SLC41A2: variants seen among roughly 807,000 people sequenced by gnomAD.
SLC41A2 encodes the protein SLC41A1-like 1.
SLC41A2 carries 32 observed loss-of-function variants against 58.3 expected under a neutral mutation model. That is an observed-to-expected ratio of 0.55 (90% confidence interval 0.41 to 0.74). The LOEUF is 0.74. Among genes scored for constraint, SLC41A2 ranks in the 30% least tolerant of loss-of-function variants. The pLI is 0.00. For missense variants in SLC41A2, 514 were observed against 680.6 expected, an observed-to-expected ratio of 0.76 and a Z score of 2.72; for synonymous variants, 190 against 235.0, an observed-to-expected ratio of 0.81 and a Z score of 1.75.
intron 10 of SLC41A2, among the ~76,000 whole-genome samples, chr12:104,831,371 C>A (rs1458469422): frequency 6.6e-6 from 1 of 152,126 alleles, no homozygotes; most frequent in Non-Finnish European, 1.5e-5. Context: ...GCCACCATGA[C>A]CTGCCAAACG....
intron 10 of SLC41A2, among the ~76,000 whole-genome samples, chr12:104,828,809 C>A (rs543048484): frequency 6.6e-6 from 1 of 151,604 alleles, no homozygotes; most frequent in South Asian, 2.1e-4. Flanking sequence ...CCATAATATA[C>A]AAAGAACTCT....
At chr12:104,866,409 C>T (rs1565854302) in intron 7 of SLC41A2, 23 bp downstream of exon 7, 1 of 1,578,576 alleles carries the variant, frequency 6.3e-7, no homozygotes, top group Admixed American at 1.8e-5. Flanking sequence ...CACACACACA[C>T]ACACACATAT....
At chr12:104,910,536 T>C (rs1477854982) in intron 2 of SLC41A2, among the ~76,000 whole-genome samples, 1 of 152,154 alleles carries the variant, frequency 6.6e-6, no homozygotes, top group African/African-American at 2.4e-5. Context: ...ACCAATGGAA[T>C]AGACCCCCTT....
At position 104,909,678 on chromosome 12, in the gene SLC41A2, A is replaced by T. The variant is rs1321082132; in HGVS notation, c.640T>A (p.Leu214Met). 6.2e-7 allele frequency: 1 copy of T among 1,610,496 alleles called. No homozygotes were observed. ...LGLKGNLEMT[L>M]ASRLSTAVNI... ...ACTGCAGTGGATAATCTGGATGCCA[A>T]TGTCATTTCCAAGTTCCCTTTGAGA... Residue 214 changes from leucine to methionine, a missense_variant, in exon 3 of 11, where the codon TTG (leucine) becomes ATG (methionine). By Grantham distance (15) the Leu-to-Met change is conservative. This residue lies in a region of SLC41A2 where 336 missense variants were observed against 430.0 expected (regional missense o/e 0.78). Transcript: ENST00000258538.
chr12:104,955,806 C>T (rs1286227041), intron 1 of SLC41A2, among the ~76,000 whole-genome samples: 4 of 150,570 alleles, frequency 2.7e-5, no homozygotes, highest in Admixed American at 6.6e-5. Flanking sequence ...TGTGTGCGCT[C>T]GGAAATTAAC....
chr12:104,948,527 G>A (rs532947519), intron 1 of SLC41A2, among the ~76,000 whole-genome samples: 4 of 152,234 alleles, frequency 2.6e-5, no homozygotes, highest in Admixed American at 6.5e-5. Flanking sequence ...TTGAAGATAA[G>A]TATGTTCATC....
intron 1 of SLC41A2, among the ~76,000 whole-genome samples, chr12:104,955,500 A>T (rs1367511943): frequency 2.6e-5 from 4 of 152,064 alleles, no homozygotes; most frequent in Non-Finnish European, 4.4e-5. Context: ...TTTTCTGTCC[A>T]CTGACCATGA....
intron 7 of SLC41A2, 51 bp from the exon 8 acceptor site, chr12:104,861,421 T>G: frequency 7.5e-7 from 1 of 1,328,714 alleles, no homozygotes; most frequent in Non-Finnish European, 1.1e-6. Context: ...AGAACATACT[T>G]GAAGTTATTC....
intron 10 of SLC41A2, among the ~76,000 whole-genome samples, chr12:104,815,217 T>C (rs2041341106): frequency 6.6e-6 from 1 of 152,236 alleles, no homozygotes; most frequent in Admixed American, 6.5e-5. Context: ...AGCAGACACT[T>C]CTTAAATGCA....
chr12:104,823,342 A>T (rs954473141), intron 10 of SLC41A2, among the ~76,000 whole-genome samples: 4 of 152,166 alleles, frequency 2.6e-5, no homozygotes, highest in Non-Finnish European at 4.4e-5. Context: ...TTGCAATTTT[A>T]AAAAAAGGTA....
At chr12:104,838,515 C>T (rs2042290713) in intron 10 of SLC41A2, among the ~76,000 whole-genome samples, 2 of 151,892 alleles carry the variant, frequency 1.3e-5, no homozygotes. Context: ...AAAGTAATAG[C>T]AAAAACTAAC....
intron 7 of SLC41A2, among the ~76,000 whole-genome samples, chr12:104,863,964 T>G (rs1026530164): frequency 3.3e-5 from 5 of 152,042 alleles, no homozygotes; most frequent in Admixed American, 6.6e-5. Flanking sequence ...ACTTTTTTTT[T>G]TTTTTTCTTA....
At chr12:104,934,427 G>GC (rs1156334462) in intron 1 of SLC41A2, among the ~76,000 whole-genome samples, 1 of 151,982 alleles carries the variant, frequency 6.6e-6, no homozygotes, top group Non-Finnish European at 1.5e-5. Context: ...AAACTATAAA[G>GC]CAACAAAATG....
intron 10 of SLC41A2, among the ~76,000 whole-genome samples, chr12:104,806,738 C>T (rs957976483): frequency 1.3e-5 from 2 of 152,006 alleles, no homozygotes; most frequent in African/African-American, 4.8e-5. Flanking sequence ...TGTTTCCTGA[C>T]TTTTTAATGA....
chr12:104,921,120 G>T (rs1281055950), intron 2 of SLC41A2, among the ~76,000 whole-genome samples: 1 of 151,644 alleles, frequency 6.6e-6, no homozygotes, highest in African/African-American at 2.4e-5. Context: ...ATCAAAGATT[G>T]TCTACAAGCT....
intron 1 of SLC41A2, among the ~76,000 whole-genome samples, chr12:104,937,486 A>T (rs2047330333): frequency 6.6e-6 from 1 of 152,224 alleles, no homozygotes; most frequent in Non-Finnish European, 1.5e-5. Flanking sequence ...ACGTTACTGT[A>T]CTGTAGCCTA....
intron 1 of SLC41A2, among the ~76,000 whole-genome samples, chr12:104,930,961 A>T (rs918777787): frequency 1.4e-4 from 22 of 152,238 alleles, no homozygotes; most frequent in Non-Finnish European, 5.9e-5. Flanking sequence ...CTTCGGTATA[A>T]GCTATCCAGA....
chr12:104,938,589 A>AT (rs746176656), intron 1 of SLC41A2, among the ~76,000 whole-genome samples: 79 of 152,232 alleles, frequency 5.2e-4, no homozygotes, highest in Non-Finnish European at 4.7e-4. Context: ...TGAGAATGGC[A>AT]TGTCCTAGGC....
At chr12:104,849,753 A>G (rs2042732402) in intron 8 of SLC41A2, among the ~76,000 whole-genome samples, 1 of 152,174 alleles carries the variant, frequency 6.6e-6, no homozygotes, top group Admixed American at 6.5e-5. Context: ...GCTTGAGCCC[A>G]AGAGATTGAG....
Sources: allele counts gnomAD v4.1 joint callset (sites outside exome capture counted in the v4.1 genomes callset), GRCh38; gene constraint gnomAD v4.1.1; regional missense constraint gnomAD v4.1.1; transcripts MANE v1.5; gene names NCBI Gene and HGNC (gene_info 2026-07-23, HGNC 2026-07-21).